KATNAL2: variants seen among roughly 807,000 people sequenced by gnomAD.
KATNAL2 encodes the protein katanin p60 ATPase-containing subunit A-like 2.
A neutral mutation model predicts 76.3 loss-of-function variants in KATNAL2; 52 were observed. That is an observed-to-expected ratio of 0.68 (90% confidence interval 0.55 to 0.86). The LOEUF (loss-of-function observed/expected upper bound fraction) is 0.86. Ranked by LOEUF, KATNAL2 falls within the 40% of genes least tolerant of loss-of-function variation. KATNAL2 has a pLI of 0.00. For missense variants in KATNAL2, 660 were observed against 668.9 expected, an observed-to-expected ratio of 0.99 and a Z score of 0.15; for synonymous variants, 243 against 244.2, an observed-to-expected ratio of 1.00 and a Z score of 0.05.
At position 47,067,527 on chromosome 18, in the gene KATNAL2, G is replaced by A. The variant is rs548454487; in HGVS notation, c.825+408G>A. 1.3e-4 allele frequency among the ~76,000 whole-genome samples: 20 copies of A among 152,160 alleles called. 1 individual carries two copies. Among genetic ancestry groups the A allele is most frequent in the South Asian group, 1.0e-3 (5 of 4,818 alleles). On this transcript the variant is annotated intron_variant, in intron 11 of 17. Transcript: ENST00000683218. The stretch of plus-strand genomic sequence containing the variant: ...CCCCTGACCTACCCTCCCCAGGATC[G>A]TCTGGGGCTTTGCTTCTGGCTGGTT...
chr18:46,938,827 T>A (rs1479425120), intron 1 of KATNAL2, among the ~76,000 whole-genome samples: 1 of 152,152 alleles, frequency 6.6e-6, no homozygotes, highest in African/African-American at 2.4e-5. Flanking sequence ...GTCACTATCC[T>A]TCCTCCAGTA....
At chr18:47,091,879 A>G (rs1423164283) in intron 15 of KATNAL2, among the ~76,000 whole-genome samples, 1 of 152,184 alleles carries the variant, frequency 6.6e-6, no homozygotes, top group Non-Finnish European at 1.5e-5. Context: ...AGAAGCAAGT[A>G]GCTGATCCAA....
At chr18:47,096,913 G>A (rs1276640236) in intron 15 of KATNAL2, among the ~76,000 whole-genome samples, 1 of 152,004 alleles carries the variant, frequency 6.6e-6, no homozygotes, top group Non-Finnish European at 1.5e-5. Flanking sequence ...TGAGGCGGGT[G>A]GACTGCTTGA....
At chr18:47,034,471 A>AT (rs772070185) in intron 3 of KATNAL2, 5 of 1,614,022 alleles carry the variant, frequency 3.1e-6, no homozygotes, top group Non-Finnish European at 4.2e-6. Context: ...CCAGGAGGGC[A>AT]TCCTTGGGGT....
chr18:47,073,015 T>C (rs2062060443), intron 13 of KATNAL2, among the ~76,000 whole-genome samples: 1 of 152,106 alleles, frequency 6.6e-6, no homozygotes, highest in Non-Finnish European at 1.5e-5. Flanking sequence ...TTTGCCCATA[T>C]AGTATGGGAC....
intron 3 of KATNAL2, among the ~76,000 whole-genome samples, chr18:46,950,873 G>T (rs1030507815): frequency 6.6e-6 from 1 of 151,996 alleles, no homozygotes; most frequent in East Asian, 1.9e-4. Flanking sequence ...TAGTAGAGAC[G>T]GAGTTTCTCC....
chr18:47,084,524 T>C (rs1051732891), intron 15 of KATNAL2: 12 of 635,320 alleles, frequency 1.9e-5, no homozygotes, highest in South Asian at 1.3e-4. Context: ...TTCAACTGGT[T>C]TCCCCCAGCA....
At chr18:46,919,154 C>T (rs2058361637) in intron 1 of KATNAL2, among the ~76,000 whole-genome samples, 1 of 151,276 alleles carries the variant, frequency 6.6e-6, no homozygotes, top group South Asian at 2.1e-4. Context: ...AGTTGCAGAC[C>T]AGCCAGGCCA....
chr18:46,917,626 C>G lies in KATNAL2; in HGVS notation c.-810C>G. ...CAGTCCGCGCGGCGACAGCGCCCGCCCGCGCCTGCCCCGGCGTGCTGCCCC... is the reference window on the plus strand; with the variant it reads ...CAGTCCGCGCGGCGACAGCGCCCGCGCGCGCCTGCCCCGGCGTGCTGCCCC... On this transcript the variant is annotated 5_prime_UTR_variant, in exon 1 of 18. Transcript: ENST00000683218. 1.1e-6 allele frequency: 1 copy of G among 915,980 alleles called. No individual in the cohort carries two copies. Among genetic ancestry groups the G allele is most frequent in the Non-Finnish European group, 1.3e-6 (1 of 761,614 alleles). The allele number at this position is 915,980 out of a possible 1,614,324, so 56.7% of individuals were successfully genotyped here.
In KATNAL2 at chr18:46,946,943, A is replaced by G. The variant is rs2059398098; in HGVS notation, c.51+20A>G. On this transcript the variant is annotated intron_variant, in intron 3 of 17. Coordinates refer to ENST00000683218, the MANE Select transcript of KATNAL2 (RefSeq NM_001387690.1). ...GAAGCGGTAAGGAACGCATATATAAAACATGATTATACCAAGAACCCCTCT... is the reference window on the plus strand; with the variant it reads ...GAAGCGGTAAGGAACGCATATATAAGACATGATTATACCAAGAACCCCTCT... The G allele has an allele frequency of 6.9e-7, 1 of 1,448,572 alleles. No homozygotes were observed. Among genetic ancestry groups the G allele is most frequent in the East Asian group, 2.5e-5 (1 of 40,532 alleles). The allele number at this position is 1,448,572 out of a possible 1,614,324, so 89.7% of individuals were successfully genotyped here. A position where few individuals can be genotyped will look rare whatever the true frequency, so the allele number is the denominator to read the frequency against.
chr18:47,100,189 A>G (rs2063406041), intron 16 of KATNAL2, 65 bp from the exon 17 acceptor site: 8 of 1,139,892 alleles, frequency 7.0e-6, no homozygotes, highest in South Asian at 1.2e-5. Context: ...GGTCCTGCCT[A>G]TAACAACGTA....
chr18:47,090,438 AT>A (rs974228728), intron 15 of KATNAL2, among the ~76,000 whole-genome samples: 1 of 152,078 alleles, frequency 6.6e-6, no homozygotes, highest in African/African-American at 2.4e-5. Flanking sequence ...CCTGTTGGGT[AT>A]TTATTCTGCA....
chr18:47,065,591 C>T (rs2061765817), intron 10 of KATNAL2, among the ~76,000 whole-genome samples: 1 of 151,940 alleles, frequency 6.6e-6, no homozygotes, highest in Non-Finnish European at 1.5e-5. Flanking sequence ...ATCACTTGAA[C>T]CTGGGAGGCG....
At chr18:47,081,672 A>G (rs2062529039) in intron 15 of KATNAL2, among the ~76,000 whole-genome samples, 1 of 152,196 alleles carries the variant, frequency 6.6e-6, no homozygotes, top group African/African-American at 2.4e-5. Flanking sequence ...GAATTTAAGA[A>G]TAGAACTTCA....
rs1272303129 is a variant in KATNAL2, at chr18:47,059,579, G to T, written c.474G>T (p.Leu158=). Residue 158 remains leucine, a synonymous_variant, in exon 8 of 18, where the codon CTG becomes CTT. Transcript: ENST00000683218. The stretch of plus-strand genomic sequence containing the variant: ...AGGAGGTAGTTGATAACACTCGCCT[G>T]GAAAGTGCCAACTTCGGCCTACATA... ...PNQEVVDNTR[L]ESANFGLHIS... 1.9e-6 allele frequency: 3 copies of T among 1,613,020 alleles called. No individual in the cohort carries two copies. The highest frequency in any genetic ancestry group is 2.5e-6 in the Non-Finnish European group (3 of 1,179,026).
intron 3 of KATNAL2, chr18:47,033,365 G>T (rs779475417): frequency 4.3e-6 from 7 of 1,614,152 alleles, no homozygotes; most frequent in Admixed American, 1.7e-5. Context: ...CTGCCGTTGG[G>T]GTTGTTTCCA....
intron 1 of KATNAL2, among the ~76,000 whole-genome samples, chr18:46,921,180 T>G (rs2058519261): frequency 6.6e-6 from 1 of 152,208 alleles, no homozygotes; most frequent in Admixed American, 6.5e-5. Flanking sequence ...CAGTCTGGAG[T>G]GCAGTGGCAC....
At chr18:47,059,324 C>G (rs1174120741) in intron 7 of KATNAL2, among the ~76,000 whole-genome samples, 1 of 152,222 alleles carries the variant, frequency 6.6e-6, no homozygotes, top group Non-Finnish European at 1.5e-5. Context: ...TGCTTGGGGC[C>G]CATGGGGCCT....
intron 10 of KATNAL2, among the ~76,000 whole-genome samples, chr18:47,065,517 C>A (rs2061763598): frequency 6.6e-6 from 1 of 151,996 alleles, no homozygotes; most frequent in African/African-American, 2.4e-5. Context: ...TCTAGAGACC[C>A]CATTAGCTAG....
Sources: gnomAD v4.1 joint callset for allele counts (sites outside exome capture counted in the v4.1 genomes callset) on GRCh38, gnomAD v4.1.1 for gene constraint, MANE v1.5 for transcripts, NCBI Gene and HGNC (gene_info 2026-07-23, HGNC 2026-07-21) for gene names.